The following NPC1 variants were observed in gnomAD, a reference collection of about 807,000 sequenced individuals.
The protein encoded by NPC1 is NPC intracellular cholesterol transporter 1.
NPC1 carries 85 observed loss-of-function variants against 140.4 expected under a neutral mutation model. The observed-to-expected ratio is 0.61, with a 90% CI of 0.51 to 0.72. The LOEUF (loss-of-function observed/expected upper bound fraction) is 0.72. Among genes scored for constraint, NPC1 ranks in the 30% least tolerant of loss-of-function variants. NPC1 has a pLI of 0.00. For synonymous variants in NPC1, 656 were observed against 624.8 expected (o/e 1.05, Z -0.74); for missense variants, 1,504 against 1,623.8 (o/e 0.93, Z 1.27).
At chr18:23,585,502 A>G (rs761760063) in intron 1 of NPC1, among the ~76,000 whole-genome samples, 1 of 152,202 alleles carries the variant, frequency 6.6e-6, no homozygotes, top group Non-Finnish European at 1.5e-5. Context: ...GCACAAGGAC[A>G]CAATTCCCCG....
downstream of NPC1, among the ~76,000 whole-genome samples, chr18:23,521,771 C>T (rs2058149330): frequency 6.6e-6 from 1 of 151,556 alleles, no homozygotes; most frequent in African/African-American, 2.4e-5. Context: ...AAGATGTCTG[C>T]AGGTTTGCTT....
At chr18:23,539,511 AG>A in intron 18 of NPC1, 41 bp from the exon 19 acceptor site, 1 of 1,378,210 alleles carries the variant, frequency 7.3e-7, no homozygotes, top group Middle Eastern at 1.8e-4. Context: ...CTCCACAGGG[AG>A]GAAGTCTTTA....
At chr18:23,549,295 C>G (rs192294687) in intron 10 of NPC1, among the ~76,000 whole-genome samples, 351 of 152,254 alleles carry the variant, frequency 2.3e-3, no homozygotes, top group Non-Finnish European at 3.6e-3. Flanking sequence ...TTCTCAGGCT[C>G]AAGCAATCCT....
intron 3 of NPC1, among the ~76,000 whole-genome samples, chr18:23,571,684 A>G (rs1046502382): frequency 3.3e-5 from 5 of 151,532 alleles, no homozygotes; most frequent in Non-Finnish European, 7.4e-5. Flanking sequence ...AAAAACATAA[A>G]TAAAATTAGC....
At chr18:23,530,650 C>T (rs754796494), downstream of NPC1, 4 of 1,589,040 alleles carry the variant, frequency 2.5e-6, no homozygotes, top group African/African-American at 1.3e-5. Flanking sequence ...TAACCATAGC[C>T]TCAAAGAGTA....
At chr18:23,563,542 C>T (rs1479666209) in intron 4 of NPC1, among the ~76,000 whole-genome samples, 1 of 152,134 alleles carries the variant, frequency 6.6e-6, no homozygotes, top group East Asian at 1.9e-4. Flanking sequence ...CCACTTCAGC[C>T]TCTCAAGTAG....
At chr18:23,576,951 T>G (rs370233480) in intron 1 of NPC1, 1 of 152,422 alleles carries the variant, frequency 6.6e-6, no homozygotes, top group Admixed American at 6.5e-5. Flanking sequence ...GGGTTGCTAA[T>G]GCTGGCTTGG....
chr18:23,586,027 A>G (rs2059414154), intron 1 of NPC1, among the ~76,000 whole-genome samples: 1 of 152,166 alleles, frequency 6.6e-6, no homozygotes, highest in Non-Finnish European at 1.5e-5. Context: ...GCCACATCCT[A>G]CACAGAGAAA....
In NPC1 at chr18:23,566,511, G is replaced by A. The variant is rs2472607; in HGVS notation, c.463+2312C>T. On this transcript the variant is annotated intron_variant, in intron 4 of 24. Coordinates refer to ENST00000269228, the MANE Select transcript of NPC1 (RefSeq NM_000271.5). The stretch of plus-strand genomic sequence containing the variant: ...TACAGTCCCAACACTTTGGCAGGCC[G>A]AGGCAGGAGGATCACTTAAGGCCAG... Among the ~76,000 whole-genome samples, 494 of 152,198 alleles carry A rather than the reference G, an allele frequency of 3.2e-3. 4 individuals are homozygous for A. The highest frequency in any genetic ancestry group is 0.011 in the African/African-American group (470 of 41,538).
chr18:23,522,176 G>A (rs2058160127), downstream of NPC1: 1 of 152,254 alleles, frequency 6.6e-6, no homozygotes, highest in African/African-American at 2.4e-5. Flanking sequence ...CACAGTTGGA[G>A]GAAGGAGCTG....
intron 24 of NPC1, chr18:23,533,049 C>A: frequency 1.6e-6 from 1 of 621,072 alleles, no homozygotes; most frequent in Non-Finnish European, 2.0e-6. Context: ...ATCTCAGTGG[C>A]AGGGAGGAGC....
chr18:23,535,453 CTGTA>C lies in NPC1; in HGVS notation c.3477+12_3477+15del. ...AACAGGAGCTAGGGACAAACTGAGA[CTGTA>C]TGAGGACTCACCATCACCAGGTTGA... is the stretch of plus-strand genomic sequence containing the variant. On this transcript the variant is annotated intron_variant, in intron 22 of 24. Transcript: ENST00000269228. The C allele has an allele frequency of 6.4e-7, 1 of 1,568,006 alleles. No individual in the cohort carries two copies. Among genetic ancestry groups the C allele is most frequent in the Non-Finnish European group, 8.8e-7 (1 of 1,141,892 alleles).
intron 10 of NPC1, among the ~76,000 whole-genome samples, chr18:23,549,604 A>G (rs1172995104): frequency 6.6e-6 from 1 of 151,782 alleles, no homozygotes; most frequent in Non-Finnish European, 1.5e-5. Context: ...ACACCACCGC[A>G]CTCCAGCCTG....
chr18:23,533,563 A>G, intron 23 of NPC1, 46 bp from the exon 24 acceptor site: 1 of 1,568,452 alleles, frequency 6.4e-7, no homozygotes, highest in Non-Finnish European at 8.8e-7. Flanking sequence ...ACCAACCTGT[A>G]ATTGAACAAA....
rs564492250 is a variant in NPC1 at position 23,545,881 on chromosome 18, C to A, written c.1758-732G>T. ...AAGTGCTGGGATGACAGGCACCATG[C>A]CCAGCCACTGCATTAGGGTCTTCCA... On this transcript the variant is annotated intron_variant, in intron 11 of 24. Coordinates refer to ENST00000269228, the MANE Select transcript of NPC1 (RefSeq NM_000271.5). Among the ~76,000 whole-genome samples, 3 of 152,324 alleles carry A rather than the reference C, an allele frequency of 2.0e-5. No homozygotes were observed. In the South Asian group the frequency reaches 6.2e-4, roughly 32 times the overall value.
Position 23,552,398 on chromosome 18 carries a change from A to C in NPC1, c.1554-671T>G, listed in dbSNP as rs148361218. On this transcript the variant is annotated intron_variant, in intron 9 of 24. Transcript: ENST00000269228. ...GGGGCCAGTCTGGGAAGAGTAATGG[A>C]CAGACAAATGCAAAATAAAAGGACT... Among the ~76,000 whole-genome samples the C allele has an allele frequency of 3.0e-3, 460 of 152,364 alleles. 2 individuals carry two copies. The highest frequency in any genetic ancestry group is 0.015 in the East Asian group (80 of 5,190).
chr18:23,515,879 G>C (rs1253204034), intron 3 of NPC1: 20 of 1,614,134 alleles, frequency 1.2e-5, no homozygotes, highest in Non-Finnish European at 1.6e-5. Context: ...AACGGAGTCT[G>C]AAACTCTTGA....
At chr18:23,527,748 T>C (rs533543141), downstream of NPC1, 28 of 1,466,462 alleles carry the variant, frequency 1.9e-5, no homozygotes, top group African/African-American at 3.9e-4. Flanking sequence ...ATTCTGAAGC[T>C]GACATGAAGT....
chr18:23,550,671 A>G (rs1349653645), intron 10 of NPC1, among the ~76,000 whole-genome samples: 1 of 151,730 alleles, frequency 6.6e-6, no homozygotes, highest in Non-Finnish European at 1.5e-5. Context: ...TATTTTTAGC[A>G]GAGATAGGGT....
Sources: allele counts gnomAD v4.1 joint callset (sites outside exome capture counted in the v4.1 genomes callset), GRCh38; gene constraint gnomAD v4.1.1; transcripts MANE v1.5; gene names NCBI Gene and HGNC (gene_info 2026-07-23, HGNC 2026-07-21).